DDIAS: variants seen among roughly 807,000 people sequenced by gnomAD.
DDIAS encodes DNA damage induced apoptosis suppressor.
DDIAS carries 14 observed loss-of-function variants against 15.7 expected under a neutral mutation model. That is an observed-to-expected ratio of 0.89 (90% CI 0.59 to 1.39). The LOEUF (loss-of-function observed/expected upper bound fraction) is 1.39. DDIAS is among the 40% of genes most tolerant of loss of function. The pLI is 0.00. For missense variants in DDIAS, 1,035 were observed against 1,130.9 expected (o/e 0.92, Z 1.22); for synonymous variants, 355 against 395.9 (o/e 0.90, Z 1.23).
intron 3 of DDIAS, among the ~76,000 whole-genome samples, chr11:82,925,155 A>T (rs1860833506): frequency 6.6e-6 from 1 of 152,164 alleles, no homozygotes; most frequent in Non-Finnish European, 1.5e-5. Context: ...CTTCTTACTA[A>T]TTTTTAAAAT....
intron 1 of DDIAS, among the ~76,000 whole-genome samples, chr11:82,906,386 A>G (rs1056970195): frequency 3.9e-5 from 6 of 152,136 alleles, no homozygotes; most frequent in Non-Finnish European, 8.8e-5. Flanking sequence ...ACCCTTAAAT[A>G]AAGACAATGT....
chr11:82,914,090 C>T, intron 2 of DDIAS: 1 of 325,358 alleles, frequency 3.1e-6, no homozygotes, highest in East Asian at 1.1e-4. Flanking sequence ...GCACCCCCCA[C>T]CATGCTCAGC....
chr11:82,931,165 G>A (rs957059953), intron 5 of DDIAS, among the ~76,000 whole-genome samples: 3 of 151,924 alleles, frequency 2.0e-5, no homozygotes, highest in African/African-American at 7.3e-5. Context: ...TAAATAAATT[G>A]TCCAAAGTCT....
At chr11:82,904,728 A>G (rs550677891) in intron 1 of DDIAS, among the ~76,000 whole-genome samples, 1 of 152,336 alleles carries the variant, frequency 6.6e-6, no homozygotes, top group South Asian at 2.1e-4. Flanking sequence ...GATATATGAT[A>G]AAGTTTGAGA....
chr11:82,925,009 T>C (rs775325426), intron 3 of DDIAS, among the ~76,000 whole-genome samples: 2 of 152,204 alleles, frequency 1.3e-5, no homozygotes, highest in Non-Finnish European at 2.9e-5. Flanking sequence ...CATGAGTGCA[T>C]AATGGAGTTT....
intron 3 of DDIAS, among the ~76,000 whole-genome samples, chr11:82,921,571 CTTTTTTTT>C (rs968751055): frequency 5.1e-5 from 4 of 78,122 alleles, no homozygotes; most frequent in African/African-American, 1.7e-4. Flanking sequence ...TTCTTTCTTT[CTTTTTTTT>C]TTTTTTTTTT....
Position 82,933,373 on chromosome 11 carries a change from C to A in DDIAS, c.2035C>A (p.Leu679Ile), listed in dbSNP as rs1185635130. 6.2e-7 allele frequency: 1 copy of A among 1,613,940 alleles called. No individual in the cohort carries two copies. The change falls in exon 6 of 6, where the codon CTC (leucine) becomes ATC (isoleucine). Residue 679 changes from leucine (L) to isoleucine (I), a missense_variant. Leu to Ile is a conservative substitution (Grantham distance 5, BLOSUM62 2). Transcript: ENST00000533655. ...AGGTAGCTATGATGCCTCTGCTGATCTCTTTGATGATATTGCTAAAGAAAT... is the reference window on the plus strand; with the variant it reads ...AGGTAGCTATGATGCCTCTGCTGATATCTTTGATGATATTGCTAAAGAAAT... The part of the protein sequence containing the change: ...YEGSYDASAD[L>I]FDDIAKEMDI...
intron 1 of DDIAS, among the ~76,000 whole-genome samples, chr11:82,908,164 G>A (rs973750536): frequency 2.6e-5 from 4 of 152,166 alleles, no homozygotes; most frequent in Non-Finnish European, 4.4e-5. Flanking sequence ...CAAGACCTAA[G>A]GGAAGAATAT....
At chr11:82,914,068 C>T in intron 2 of DDIAS, 1 of 340,510 alleles carries the variant, frequency 2.9e-6, no homozygotes, top group Non-Finnish European at 5.6e-6. Flanking sequence ...TCCTGAGTAG[C>T]TGGGATTACA....
rs199872753 is a variant in DDIAS, at chr11:82,928,781, A to C, written c.118A>C (p.Asn40His). 7 of 1,613,182 alleles carry C rather than the reference A, an allele frequency of 4.3e-6. No individual in the cohort carries two copies. Among genetic ancestry groups the C allele is most frequent in the Non-Finnish European group, 5.9e-6 (7 of 1,179,736 alleles). ...TTTTTTCCACCACTTTTCTAGGTCTAATTGTCCAAAATGTGGCTCTACTGG... is the reference window on the plus strand; with the variant it reads ...TTTTTTCCACCACTTTTCTAGGTCTCATTGTCCAAAATGTGGCTCTACTGG... ...SRIILVSKRS[N>H]CPKCGSTGES... is the part of the protein sequence containing the mutation. The change falls in exon 4 of 6, where the codon AAT becomes CAT. Residue 40 changes from asparagine to histidine, a missense_variant. Coordinates refer to ENST00000533655, the MANE Select transcript of DDIAS (RefSeq NM_145018.4).
At chr11:82,910,607 T>TCTCTC (rs1491398521) in intron 1 of DDIAS, among the ~76,000 whole-genome samples, 2 of 22,940 alleles carry the variant, frequency 8.7e-5, no homozygotes, top group African/African-American at 6.5e-4. Flanking sequence ...TCTCTCTCTC[T>TCTCTC]TTTTTTTTTT....
intron 3 of DDIAS, chr11:82,922,662 C>G (rs776649531): frequency 1.3e-5 from 2 of 152,154 alleles, no homozygotes; most frequent in African/African-American, 4.8e-5. Flanking sequence ...TTCTCTGGTG[C>G]CTCGCTGAAT....
At chr11:82,911,029 CT>C (rs1860522696) in intron 1 of DDIAS, among the ~76,000 whole-genome samples, 2 of 152,076 alleles carry the variant, frequency 1.3e-5, no homozygotes, top group African/African-American at 4.8e-5. Context: ...AGCATTATGT[CT>C]AAAAAATACA....
intron 2 of DDIAS, chr11:82,913,736 A>G (rs1026795325): frequency 1.4e-5 from 6 of 442,888 alleles, no homozygotes; most frequent in Non-Finnish European, 2.7e-5. Flanking sequence ...TAGGTTCTTT[A>G]AAAGATTCAT....
chr11:82,912,584 G>A (rs987826875), intron 1 of DDIAS, among the ~76,000 whole-genome samples: 4 of 151,732 alleles, frequency 2.6e-5, no homozygotes, highest in Admixed American at 1.3e-4. Flanking sequence ...GTTGTGGCTC[G>A]TTTGATCTTC....
chr11:82,918,155 G>T (rs576182817), intron 3 of DDIAS, among the ~76,000 whole-genome samples: 1 of 152,240 alleles, frequency 6.6e-6, no homozygotes, highest in South Asian at 2.1e-4. Context: ...CCAGCTATTT[G>T]TTTTTATTGC....
chr11:82,903,867 G>A (rs137998524), intron 1 of DDIAS, among the ~76,000 whole-genome samples: 12 of 152,332 alleles, frequency 7.9e-5, no homozygotes, highest in African/African-American at 2.4e-4. Context: ...GGAGAGGAAC[G>A]AAGAAAGGGA....
chr11:82,910,606 CTTTTTTTTTTTTTTT>C (rs869173859), intron 1 of DDIAS, among the ~76,000 whole-genome samples: 3 of 89,112 alleles, frequency 3.4e-5, no homozygotes, highest in Non-Finnish European at 6.0e-5. Flanking sequence ...CTCTCTCTCT[CTTTTTTTTTTTTTTT>C]TTTTTTTTTT....
In DDIAS at chr11:82,914,854, A is replaced by G. The variant is rs1484580910; in HGVS notation, c.113+3A>G. Reference sequence around the variant, plus strand: ...AGGATAATCCTGGTCTCCAAAAGGTAAAAGTAAAGTCTGTAAGTGTGAGAG... The same window carrying G: ...AGGATAATCCTGGTCTCCAAAAGGTGAAAGTAAAGTCTGTAAGTGTGAGAG... On this transcript the variant is annotated splice_donor_region_variant and intron_variant, in intron 3 of 5. Coordinates refer to ENST00000533655, the MANE Select transcript of DDIAS (RefSeq NM_145018.4). 1 of 1,541,542 alleles carries G rather than the reference A, an allele frequency of 6.5e-7. No homozygotes were observed. Among genetic ancestry groups the G allele is most frequent in the Non-Finnish European group, 8.9e-7 (1 of 1,117,690 alleles).
Sources: gnomAD v4.1 joint callset for allele counts (sites outside exome capture counted in the v4.1 genomes callset) on GRCh38, gnomAD v4.1.1 for gene constraint, MANE v1.5 for transcripts, NCBI Gene and HGNC (gene_info 2026-07-23, HGNC 2026-07-21) for gene names.